The following F9 variants were observed in gnomAD, a reference collection of about 807,000 sequenced individuals.
The protein encoded by F9 is coagulation factor IX.
F9 carries 2 observed loss-of-function variants against 34.1 expected under a neutral mutation model. The observed-to-expected ratio is 0.06, with a 90% CI of 0.02 to 0.18. The LOEUF is 0.18. Ranked by LOEUF, F9 falls within the 10% of genes least tolerant of loss-of-function variation. The pLI, the probability that F9 is intolerant of heterozygous loss-of-function variation, is 1.00. For missense variants in F9, 216 were observed against 345.1 expected (o/e 0.63, Z 2.96); for synonymous variants, 137 against 118.8 (o/e 1.15, Z -1.00).
rs137852268 is a variant in F9 at position 139,562,013 on chromosome X, T to C, written c.1328T>C (p.Ile443Thr). The C allele has an allele frequency of 8.3e-7, 1 of 1,210,935 alleles. No individual in the cohort carries two copies. The highest frequency in any genetic ancestry group is 1.1e-6 in the Non-Finnish European group (1 of 895,048). The change falls in exon 8 of 8, where the codon ATA (isoleucine) becomes ACA (threonine). Residue 443 changes from isoleucine (I) to threonine (T), a missense_variant. By Grantham distance (89) the Ile-to-Thr change is moderately conservative (BLOSUM62 -1). Around this residue, in one of 2 missense-constraint regions of F9, gnomAD observed 177 missense variants for 311.8 expected, o/e 0.57. Coordinates refer to ENST00000218099, the MANE Select transcript of F9 (RefSeq NM_000133.4). The stretch of plus-strand genomic sequence containing the variant: ...TGTGCAATGAAAGGCAAATATGGAA[T>C]ATATACCAAGGTATCCCGGTATGTC... The part of the protein sequence containing the change: ...EECAMKGKYG[I>T]YTKVSRYVNW...
At chrX:139,551,380 C>T (rs995619145) in intron 6 of F9, 116 bp downstream of exon 6, 1 of 644,305 alleles carries the variant, frequency 1.6e-6, no homozygotes, top group African/African-American at 2.2e-5. Flanking sequence ...AGTATTTAGG[C>T]AAGTTTCAGC....
intron 1 of F9, among the ~76,000 whole-genome samples, chrX:139,534,620 A>C (rs1927413961): frequency 1.8e-5 from 2 of 112,519 alleles, no homozygotes. Flanking sequence ...TAGCATTTAC[A>C]TTGTATTAGC....
At chrX:139,561,249 G>A (rs1419061873) in intron 7 of F9, among the ~76,000 whole-genome samples, 1 of 111,733 alleles carries the variant, frequency 8.9e-6, no homozygotes, top group Non-Finnish European at 1.9e-5. Context: ...TTGAAATTTG[G>A]AAAATCTAGG....
chrX:139,537,265 T>C, intron 2 of F9, 92 bp downstream of exon 2: 3 of 1,101,064 alleles, frequency 2.7e-6, no homozygotes, highest in Non-Finnish European at 3.7e-6. Flanking sequence ...AAAGCATCCA[T>C]ATATATTTAT....
intron 6 of F9, among the ~76,000 whole-genome samples, chrX:139,555,820 G>T (rs1569331617): frequency 8.9e-6 from 1 of 112,154 alleles, no homozygotes; most frequent in East Asian, 2.8e-4. Context: ...ATACCGCCAC[G>T]TAGGGAAGAA....
intron 6 of F9, among the ~76,000 whole-genome samples, chrX:139,554,461 C>G (rs1927921859): frequency 8.9e-6 from 1 of 112,622 alleles, no homozygotes; most frequent in Non-Finnish European, 1.9e-5. Flanking sequence ...CCACCTCCAT[C>G]CAGTTCCTTA....
rs1267965349 is a variant in F9 at position 139,562,315 on chromosome X, T to C, written c.*244T>C. On this transcript the variant is annotated 3_prime_UTR_variant, in exon 8 of 8. Coordinates refer to ENST00000218099, the MANE Select transcript of F9 (RefSeq NM_000133.4). ...TCTAAGGGCCCAGCCCTTGACAAAA[T>C]TGTGAAGTTAAATTCTCCACTCTGT... is the stretch of plus-strand genomic sequence containing the variant. The C allele has an allele frequency of 1.6e-5, 6 of 373,199 alleles. No homozygotes were observed. The highest frequency in any genetic ancestry group is 2.8e-5 in the Non-Finnish European group (6 of 214,483). The allele number at this position is 373,199 out of a possible 1,213,427, so 30.8% of individuals were successfully genotyped here. A position where few individuals can be genotyped will look rare whatever the true frequency, so the allele number is the denominator to read the frequency against.
chrX:139,536,363 C>T (rs1569481904), intron 1 of F9, among the ~76,000 whole-genome samples: 7 of 106,890 alleles, frequency 6.5e-5, no homozygotes. Flanking sequence ...AGACATCTAT[C>T]CTCCAGAGTT....
intron 3 of F9, 79 bp downstream of exon 3, chrX:139,537,465 T>C (rs1043359261): frequency 5.9e-6 from 5 of 841,130 alleles, no homozygotes; most frequent in Non-Finnish European, 8.8e-6. Context: ...CATAAATAGA[T>C]AATATATTAA....
chrX:139,557,554 C>A (rs1927996610), intron 6 of F9, among the ~76,000 whole-genome samples: 1 of 112,079 alleles, frequency 8.9e-6, no homozygotes, highest in African/African-American at 3.2e-5. Flanking sequence ...TGGATGTCAT[C>A]CATCCTGGCC....
intron 6 of F9, among the ~76,000 whole-genome samples, chrX:139,552,394 G>T (rs893702103): frequency 9.0e-6 from 1 of 111,594 alleles, no homozygotes; most frequent in Admixed American, 9.5e-5. Flanking sequence ...AGCTACATTT[G>T]TAGCAAAATC....
chrX:139,540,936 C>T (rs1927586148), intron 3 of F9, 140 bp from the exon 4 acceptor site: 1 of 403,627 alleles, frequency 2.5e-6, no homozygotes, highest in Admixed American at 3.1e-5. Flanking sequence ...GCATCATATG[C>T]CTATAGGCAG....
At chrX:139,553,136 G>A (rs1322896453) in intron 6 of F9, among the ~76,000 whole-genome samples, 2 of 111,609 alleles carry the variant, frequency 1.8e-5, no homozygotes, top group Non-Finnish European at 3.8e-5. Context: ...AATATTTGCT[G>A]GACCTGATCT....
At chrX:139,549,627 C>G (rs955648577) in intron 5 of F9, among the ~76,000 whole-genome samples, 6 of 112,671 alleles carry the variant, frequency 5.3e-5, no homozygotes, top group African/African-American at 1.3e-4. Context: ...GCACAAATCA[C>G]TTATGCAATT....
At chrX:139,534,020 A>G (rs929822915) in intron 1 of F9, among the ~76,000 whole-genome samples, 6 of 112,092 alleles carry the variant, frequency 5.4e-5, no homozygotes, top group Non-Finnish European at 9.4e-5. Context: ...AAAGGGAGAG[A>G]TCAACAATTA....
intron 7 of F9, 70 bp from the exon 8 acceptor site, chrX:139,561,454 A>G: frequency 1.0e-6 from 1 of 953,949 alleles, no homozygotes; most frequent in Non-Finnish European, 1.5e-6. Flanking sequence ...AGTGGTCCCA[A>G]GTAGTCACTT....
At chrX:139,541,215 A>T (rs1481906023) in intron 4 of F9, 26 bp downstream of exon 4, 1 of 1,032,837 alleles carries the variant, frequency 9.7e-7, no homozygotes, top group Non-Finnish European at 1.3e-6. Flanking sequence ...TTGAATACTC[A>T]TGGTTCAAAG....
chrX:139,559,206 A>G (rs1928039177), intron 6 of F9, among the ~76,000 whole-genome samples: 1 of 112,649 alleles, frequency 8.9e-6, no homozygotes, highest in Admixed American at 9.4e-5. Context: ...TTATTATATT[A>G]TGTAGTTTTT....
At chrX:139,549,670 T>TC (rs770580351) in intron 5 of F9, among the ~76,000 whole-genome samples, 24 of 112,500 alleles carry the variant, frequency 2.1e-4, no homozygotes, top group Non-Finnish European at 3.6e-4. Context: ...TAAGCAGTTT[T>TC]CCGCCCTGGG....
Sources: allele counts gnomAD v4.1 joint callset (sites outside exome capture counted in the v4.1 genomes callset), GRCh38; gene constraint gnomAD v4.1.1; regional missense constraint gnomAD v4.1.1; transcripts MANE v1.5; gene names NCBI Gene and HGNC (gene_info 2026-07-23, HGNC 2026-07-21).